Variants in STAM observed in about 807,000 individuals in gnomAD.
STAM encodes signal transducing adapter molecule 1.
STAM carries 16 observed loss-of-function variants against 63.4 expected under a neutral mutation model. The ratio of observed to expected loss-of-function variants is 0.25; its 90% CI spans 0.17 to 0.38. The LOEUF (loss-of-function observed/expected upper bound fraction) is 0.38, where lower values mean the gene tolerates loss of function less well. Ranked by LOEUF, STAM falls within the 10% of genes least tolerant of loss-of-function variation. The probability of loss-of-function intolerance (pLI) is 1.00; values close to 1 mark genes in which losing one functional copy is unlikely to be tolerated. For synonymous variants in STAM, 238 were observed against 223.9 expected (o/e 1.06, Z -0.56); for missense variants, 636 against 657.1 (o/e 0.97, Z 0.35).
intron 2 of STAM, among the ~76,000 whole-genome samples, chr10:17,664,457 T>G (rs1834297552): frequency 6.6e-6 from 1 of 152,130 alleles, no homozygotes; most frequent in African/African-American, 2.4e-5. Flanking sequence ...ACATTTGTAG[T>G]TTGCCTTTAA....
intron 2 of STAM, among the ~76,000 whole-genome samples, chr10:17,678,209 G>A (rs1056689884): frequency 2.0e-5 from 3 of 152,016 alleles, no homozygotes; most frequent in Admixed American, 2.0e-4. Flanking sequence ...TCATATAAAT[G>A]GAGCTCTGCA....
intron 2 of STAM, among the ~76,000 whole-genome samples, chr10:17,678,677 G>A (rs1834955044): frequency 6.6e-6 from 1 of 152,066 alleles, no homozygotes. Flanking sequence ...GTATAATTCA[G>A]TGGTATTTAG....
chr10:17,691,508 A>G (rs1251399644), intron 5 of STAM, among the ~76,000 whole-genome samples: 1 of 143,254 alleles, frequency 7.0e-6, no homozygotes, highest in African/African-American at 2.5e-5. Flanking sequence ...ACAGAGCGAG[A>G]CTCAAATAAA....
chr10:17,648,553 C>T (rs1015086672), intron 1 of STAM, among the ~76,000 whole-genome samples: 1 of 152,190 alleles, frequency 6.6e-6, no homozygotes, highest in African/African-American at 2.4e-5. Context: ...GTAACACTCA[C>T]CACAAAGGTC....
Position 17,714,971 on chromosome 10 carries a change from C to T in STAM, c.*191C>T. 1 of 590,026 alleles carries T rather than the reference C, an allele frequency of 1.7e-6. No homozygotes were observed. The allele number at this position is 590,026 out of a possible 1,614,324, so 36.5% of individuals were successfully genotyped here. A position where few individuals can be genotyped will look rare whatever the true frequency, so the allele number is the denominator to read the frequency against. On this transcript the variant is annotated 3_prime_UTR_variant, in exon 14 of 14. Coordinates refer to ENST00000377524, the MANE Select transcript of STAM (RefSeq NM_003473.4). The stretch of plus-strand genomic sequence containing the variant: ...TTTTAGAGGTTCTTCCCCCCCCGCC[C>T]CTGCAGAGGAATGAAACTACTTACA...
At chr10:17,705,892 ACT>A in intron 12 of STAM, 151 bp downstream of exon 12, 1 of 530,764 alleles carries the variant, frequency 1.9e-6, no homozygotes, top group Non-Finnish European at 3.1e-6. Flanking sequence ...ACATAGTGAG[ACT>A]CTGTCTCTAC....
At position 17,688,185 on chromosome 10, in the gene STAM, AT is replaced by A. The variant is rs1198554950; in HGVS notation, c.444+13del. On this transcript the variant is annotated intron_variant, in intron 5 of 13. Coordinates refer to ENST00000377524, the MANE Select transcript of STAM (RefSeq NM_003473.4). ...CTATTGGCTCTCAGGTATTTTGGGAATGAAGTTGTGTGTGTGCTACAGTTTG... is the reference window on the plus strand; with the variant it reads ...CTATTGGCTCTCAGGTATTTTGGGAAGAAGTTGTGTGTGTGCTACAGTTTG... The A allele has an allele frequency of 7.2e-6, 11 of 1,526,440 alleles. No homozygotes were observed. The Admixed American group carries it at 1.0e-4, about 14-fold the overall frequency. The allele number at this position is 1,526,440 out of a possible 1,614,324, so 94.6% of individuals were successfully genotyped here.
intron 1 of STAM, among the ~76,000 whole-genome samples, chr10:17,657,474 T>C (rs1833987123): frequency 6.6e-6 from 1 of 152,220 alleles, no homozygotes; most frequent in African/African-American, 2.4e-5. Context: ...AATGCTGGCC[T>C]CACAGAATGA....
Position 17,654,223 on chromosome 10 carries a change from A to ATTG in STAM, c.41-6239_41-6238insGTT, listed in dbSNP as rs1271323159. Among the ~76,000 whole-genome samples, 12 of 151,692 alleles carry ATTG rather than the reference A, an allele frequency of 7.9e-5. No homozygotes were observed. In the East Asian group the frequency reaches 1.6e-3, roughly 20 times the overall value. On this transcript the variant is annotated intron_variant, in intron 1 of 13. Transcript: ENST00000377524. ...TAAACCAGGTATTATTGTTATTATT[A>ATTG]TTATTATTATTATTTTTGAGACGGA...
At chr10:17,668,891 T>G (rs1488622517) in intron 2 of STAM, among the ~76,000 whole-genome samples, 4 of 152,222 alleles carry the variant, frequency 2.6e-5, no homozygotes, top group African/African-American at 9.6e-5. Context: ...CTCCCAGTTT[T>G]GGTGATTTTT....
Position 17,695,140 on chromosome 10 carries a change from A to C in STAM, c.627A>C (p.Gln209His), listed in dbSNP as rs781943212. 16 of 1,614,134 alleles carry C rather than the reference A, an allele frequency of 9.9e-6. No individual in the cohort carries two copies. The Admixed American group carries it at 2.7e-4, about 27-fold the overall frequency. Reference sequence around the variant, plus strand: ...CATCCAGTCTCTTAACTAACCACCAACATGAAGGCCGAAAAGTTCGTGCTA... The same window carrying C: ...CATCCAGTCTCTTAACTAACCACCACCATGAAGGCCGAAAAGTTCGTGCTA... ...PSTSSLLTNH[Q>H]HEGRKVRAIY... The change falls in exon 7 of 14, where the codon CAA (glutamine) becomes CAC (histidine). Residue 209 changes from glutamine to histidine, a missense_variant. Around this residue, in one of 3 missense-constraint regions of STAM, gnomAD observed 532 missense variants for 536.9 expected, o/e 0.99. Coordinates refer to ENST00000377524, the MANE Select transcript of STAM (RefSeq NM_003473.4).
intron 13 of STAM, among the ~76,000 whole-genome samples, chr10:17,710,381 C>T (rs1373734454): frequency 6.6e-6 from 1 of 152,186 alleles, no homozygotes; most frequent in Non-Finnish European, 1.5e-5. Context: ...GATGTGAAAT[C>T]CCTGGCATAG....
intron 2 of STAM, among the ~76,000 whole-genome samples, chr10:17,661,719 C>G (rs574596461): frequency 1.1e-4 from 16 of 152,254 alleles, no homozygotes; most frequent in African/African-American, 3.6e-4. Context: ...CAATTCTGTC[C>G]ATCTGCCTTC....
intron 2 of STAM, among the ~76,000 whole-genome samples, chr10:17,680,751 A>C (rs1377017354): frequency 6.6e-6 from 1 of 152,188 alleles, no homozygotes. Context: ...GGCATCATAC[A>C]GCATTTGTCC....
intron 4 of STAM, among the ~76,000 whole-genome samples, 198 bp from the exon 5 acceptor site, chr10:17,687,829 T>A (rs1238661412): frequency 6.6e-5 from 10 of 152,226 alleles, no homozygotes; most frequent in Non-Finnish European, 1.3e-4. Context: ...ATGCTTTAAT[T>A]TGAAGTGAGA....
intron 13 of STAM, among the ~76,000 whole-genome samples, chr10:17,709,524 C>A (rs1227390843): frequency 6.6e-6 from 1 of 152,188 alleles, no homozygotes; most frequent in African/African-American, 2.4e-5. Context: ...TTGCCATTTA[C>A]TTACAGTGCT....
In STAM at chr10:17,700,290, T is replaced by C; in HGVS notation, c.912+11T>C. On this transcript the variant is annotated intron_variant, in intron 9 of 13. Transcript: ENST00000377524. ...GCCTTTATTGATGAAGTAAGTGGTT[T>C]CCATGGTGATAGGAGTTGGTACTTT... The C allele has an allele frequency of 6.3e-7, 1 of 1,591,840 alleles. No individual in the cohort carries two copies. Among genetic ancestry groups the C allele is most frequent in the Non-Finnish European group, 8.6e-7 (1 of 1,167,044 alleles).
rs553563347 is a variant in STAM at position 17,713,794 on chromosome 10, C to A, written c.1386-749C>A. ...CCTGGTCCAGAGGGAGCCCGTTAAA[C>A]CCTGTGGAATCTTATCACGCTTCTG... On this transcript the variant is annotated intron_variant, in intron 13 of 13. Coordinates refer to ENST00000377524, the MANE Select transcript of STAM (RefSeq NM_003473.4). 3.3e-5 allele frequency among the ~76,000 whole-genome samples: 5 copies of A among 152,188 alleles called. No individual in the cohort carries two copies. In the East Asian group the frequency reaches 9.7e-4, roughly 30 times the overall value.
chr10:17,683,545 C>CAGTTTGGGTACTTT (rs1835172900), intron 2 of STAM, among the ~76,000 whole-genome samples: 1 of 152,016 alleles, frequency 6.6e-6, no homozygotes, highest in Non-Finnish European at 1.5e-5. Context: ...CTCTGTACTT[C>CAGTTTGGGTACTTT]AGTTTGGGTA....
Sources: gnomAD v4.1 joint callset for allele counts (sites outside exome capture counted in the v4.1 genomes callset) on GRCh38, gnomAD v4.1.1 for gene constraint, gnomAD v4.1.1 regional missense constraint, MANE v1.5 for transcripts, NCBI Gene and HGNC (gene_info 2026-07-23, HGNC 2026-07-21) for gene names.